Variants in PTPN3 observed in about 807,000 individuals in gnomAD.
The protein encoded by PTPN3 is tyrosine-protein phosphatase non-receptor type 3.
A neutral mutation model predicts 132.7 loss-of-function variants in PTPN3; 96 were observed. The ratio of observed to expected loss-of-function variants is 0.72; its 90% CI spans 0.61 to 0.86. PTPN3 has a LOEUF of 0.86. Ranked by LOEUF, PTPN3 falls within the 40% of genes least tolerant of loss-of-function variation. PTPN3 has a pLI of 0.00. For missense variants in PTPN3, 1,125 were observed against 1,159.6 expected (o/e 0.97, Z 0.43); for synonymous variants, 398 against 429.0 (o/e 0.93, Z 0.89).
chr9:109,519,886 C>T, the PTPN3 span, among the ~76,000 whole-genome samples: 1 of 152,144 alleles, frequency 6.6e-6, no homozygotes, highest in Non-Finnish European at 1.5e-5. Context: ...TCCAAGGGCA[C>T]GCTGGCTCAC....
rs553078363 is a variant in PTPN3, at chr9:109,381,507, G to T, written c.2664+145C>A. The stretch of plus-strand genomic sequence containing the variant: ...AGAGGTGAGATGGGTGTGGGCTGTA[G>T]CCACTGACAAGCTCTGTGACCTTGG... On this transcript the variant is annotated intron_variant, in intron 25 of 25. Transcript: ENST00000374541. The T allele has an allele frequency of 1.1e-5, 13 of 1,197,300 alleles. No homozygotes were observed. In the South Asian group the frequency reaches 1.4e-4, roughly 13 times the overall value. 74.2% of individuals were successfully genotyped at this position (1,197,300 alleles called of 1,614,324 possible).
At chr9:109,495,105 T>C (rs1251735086) in intron 1 of PTPN3, among the ~76,000 whole-genome samples, 1 of 152,130 alleles carries the variant, frequency 6.6e-6, no homozygotes, top group African/African-American at 2.4e-5. Flanking sequence ...CCAAGAGCAG[T>C]GTGGACACTG....
the PTPN3 span, among the ~76,000 whole-genome samples, chr9:109,531,286 A>T: frequency 5.8e-4 from 88 of 152,296 alleles, no homozygotes; most frequent in African/African-American, 2.1e-3. Context: ...CCCTACCATA[A>T]CATGAATGTT....
chr9:109,393,145 G>A (rs918250746), intron 19 of PTPN3, among the ~76,000 whole-genome samples: 2 of 152,014 alleles, frequency 1.3e-5, no homozygotes, highest in African/African-American at 4.8e-5. Context: ...GGAGTATTCT[G>A]GGAAATAACT....
intron 19 of PTPN3, among the ~76,000 whole-genome samples, chr9:109,393,800 G>A (rs1840339966): frequency 6.6e-6 from 1 of 152,114 alleles, no homozygotes; most frequent in Non-Finnish European, 1.5e-5. Context: ...CTATGTTTTT[G>A]CAAATTGTAT....
chr9:109,534,481 TAA>T, the PTPN3 span: 1 of 1,079,326 alleles, frequency 9.3e-7, no homozygotes. Context: ...TCTTGGCTCT[TAA>T]AAAGTTAGTG....
Position 109,379,586 on chromosome 9 carries a change from T to C in PTPN3, c.2712A>G (p.Glu904=), listed in dbSNP as rs1199614109. 1 of 1,614,142 alleles carries C rather than the reference T, an allele frequency of 6.2e-7. No individual in the cohort carries two copies. The highest frequency in any genetic ancestry group is 8.5e-7 in the Non-Finnish European group (1 of 1,179,988). The part of the protein sequence containing the change: ...VCEAILRVYE[E]GLVQMLDPS Reference sequence around the variant, plus strand: ...TAGGATCCAGCATTTGGACTAAACCTTCTTCATACACACGAAGAATCGCTT... The same window carrying C: ...TAGGATCCAGCATTTGGACTAAACCCTCTTCATACACACGAAGAATCGCTT... The change falls in exon 26 of 26, where the codon GAA becomes GAG. Residue 904 remains glutamate (E), a synonymous_variant. Coordinates refer to ENST00000374541, the MANE Select transcript of PTPN3 (RefSeq NM_002829.4).
intron 1 of PTPN3, among the ~76,000 whole-genome samples, chr9:109,463,965 C>G (rs539896884): frequency 6.6e-6 from 1 of 152,104 alleles, no homozygotes; most frequent in East Asian, 1.9e-4. Flanking sequence ...ATGGAGTGCT[C>G]CTGCTAACCT....
At chr9:109,538,268 C>T in the PTPN3 span, among the ~76,000 whole-genome samples, 21 of 152,202 alleles carry the variant, frequency 1.4e-4, no homozygotes, top group Non-Finnish European at 2.9e-4. Context: ...ATCCCTCTTG[C>T]TCCACCATGA....
chr9:109,410,367 T>C lies in PTPN3; in HGVS notation c.1362A>G (p.Ser454=). 1.2e-6 allele frequency: 2 copies of C among 1,614,198 alleles called. No homozygotes were observed. The highest frequency in any genetic ancestry group is 8.5e-7 in the Non-Finnish European group (1 of 1,180,024). The change falls in exon 15 of 26, where the codon TCA becomes TCG. Residue 454 remains serine, a synonymous_variant. Transcript: ENST00000374541. ...TTGAAGATGGAGACACAGAACTGGA[T>C]GACTTCTGGGTCAGGTAGCTTTGTG... ...NPAQSYLTQK[S]SSSVSPSSNA...
rs1840095506 is a variant in PTPN3, at chr9:109,391,492, G to A, written c.2023C>T (p.Arg675Ter). Residue 675 changes from arginine to a stop codon, truncating the protein, a stop_gained, in exon 20 of 26, where the codon CGA becomes TGA. Transcript: ENST00000374541. LOFTEE classifies it high-confidence loss of function. ...AKLPQNLDKN[R>*]YKDVLPYDTT... ...TCACAAGGCAGCACATCTTTATATC[G>A]GTTTTTGTCCAAATTTTGAGGCAGC... 5 of 1,613,588 alleles carry A rather than the reference G, an allele frequency of 3.1e-6. No homozygotes were observed. The highest frequency in any genetic ancestry group is 4.2e-6 in the Non-Finnish European group (5 of 1,179,642).
intron 1 of PTPN3, among the ~76,000 whole-genome samples, chr9:109,490,057 C>T (rs1847387416): frequency 6.6e-6 from 1 of 151,994 alleles, no homozygotes; most frequent in Non-Finnish European, 1.5e-5. Context: ...GTCGTGGACA[C>T]CTGTAATCTC....
At chr9:109,533,285 C>T in the PTPN3 span, among the ~76,000 whole-genome samples, 1 of 151,582 alleles carries the variant, frequency 6.6e-6, no homozygotes, top group East Asian at 1.9e-4. Flanking sequence ...GCTGGGACTA[C>T]AGGCGCCCGC....
In PTPN3 at chr9:109,393,160, T is replaced by C. The variant is rs78218002; in HGVS notation, c.1954-1599A>G. Among the ~76,000 whole-genome samples the C allele has an allele frequency of 9.7e-4, 147 of 152,304 alleles. 3 individuals carry two copies. The East Asian group carries it at 0.026, about 27-fold the overall frequency. On this transcript the variant is annotated intron_variant, in intron 19 of 25. Transcript: ENST00000374541. The stretch of plus-strand genomic sequence containing the variant: ...GGAGTATTCTGGGAAATAACTACCC[T>C]AATTTTCAAGCTGCTTTCTCCTACT...
chr9:109,472,389 T>C (rs904320576), intron 1 of PTPN3, among the ~76,000 whole-genome samples: 2 of 152,268 alleles, frequency 1.3e-5, no homozygotes, highest in East Asian at 1.9e-4. Flanking sequence ...TTTTGTGCTA[T>C]TTATCAGGCT....
Position 109,383,408 on chromosome 9 carries a change from C to T in PTPN3, c.2382+15G>A. The T allele has an allele frequency of 1.2e-6, 2 of 1,614,068 alleles. No individual in the cohort carries two copies. The highest frequency in any genetic ancestry group is 2.2e-5 in the East Asian group (1 of 44,874). On this transcript the variant is annotated intron_variant, in intron 23 of 25. Transcript: ENST00000374541. ...GCACCTGCCCCTCCACCGTGCCCCT[C>T]AGGCTGCGGCTCACCTGGGTGTTTG... is the stretch of plus-strand genomic sequence containing the variant.
chr9:109,378,327 C>T lies in PTPN3; in HGVS notation c.*1229G>A, dbSNP rs916985458. 1.3e-5 allele frequency: 2 copies of T among 152,556 alleles called. No individual in the cohort carries two copies. Among genetic ancestry groups the T allele is most frequent in the Non-Finnish European group, 2.9e-5 (2 of 68,022 alleles). 9.5% of individuals were successfully genotyped at this position (152,556 alleles called of 1,614,324 possible). On this transcript the variant is annotated 3_prime_UTR_variant, in exon 26 of 26. Coordinates refer to ENST00000374541, the MANE Select transcript of PTPN3 (RefSeq NM_002829.4). ...AAATTTAACACGGTATTCACAAAGG[C>T]AGAATTCTTTAGGACAATCAAAATG... is the stretch of plus-strand genomic sequence containing the variant.
chr9:109,439,218 C>A (rs1024919981), intron 7 of PTPN3, among the ~76,000 whole-genome samples: 17 of 152,140 alleles, frequency 1.1e-4, no homozygotes, highest in African/African-American at 3.9e-4. Flanking sequence ...AAGGACCAGG[C>A]TTATGGGACC....
At chr9:109,437,237 T>C (rs553084786) in intron 8 of PTPN3, among the ~76,000 whole-genome samples, 167 of 152,342 alleles carry the variant, frequency 1.1e-3, no homozygotes, top group Non-Finnish European at 1.9e-3. Context: ...GAGAAGACTG[T>C]TACCTTTCAG....
Sources: allele counts gnomAD v4.1 joint callset (sites outside exome capture counted in the v4.1 genomes callset), GRCh38; gene constraint gnomAD v4.1.1; transcripts MANE v1.5; gene names NCBI Gene and HGNC (gene_info 2026-07-23, HGNC 2026-07-21).